ATRNL1: variants seen among roughly 807,000 people sequenced by gnomAD.
ATRNL1 encodes the protein attractin-like protein 1.
ATRNL1 carries 95 observed loss-of-function variants against 182.7 expected under a neutral mutation model. The ratio of observed to expected loss-of-function variants is 0.52; its 90% CI spans 0.44 to 0.62. ATRNL1 has a LOEUF of 0.62. ATRNL1 is among the 20% of genes least tolerant of loss of function. The probability of loss-of-function intolerance (pLI) is 0.00; values close to 1 mark genes in which losing one functional copy is unlikely to be tolerated. For missense variants in ATRNL1, 1,471 were observed against 1,679.5 expected, an observed-to-expected ratio of 0.88 and a Z score of 2.17; for synonymous variants, 576 against 568.3, an observed-to-expected ratio of 1.01 and a Z score of -0.19.
At chr10:115,331,123 A>C (rs879967347) in intron 18 of ATRNL1, among the ~76,000 whole-genome samples, 2 of 151,692 alleles carry the variant, frequency 1.3e-5, no homozygotes, top group Non-Finnish European at 2.9e-5. Context: ...GCAGTGGTGC[A>C]ATCTCGGCTC....
chr10:115,573,419 T>TA (rs1432207388), intron 26 of ATRNL1, among the ~76,000 whole-genome samples: 1 of 151,052 alleles, frequency 6.6e-6, no homozygotes, highest in African/African-American at 2.4e-5. Flanking sequence ...CTCTGGAGCT[T>TA]GGGGTTCAGG....
chr10:115,283,054 A>G lies in ATRNL1; in HGVS notation c.2233+1567A>G, dbSNP rs371723492. ...ACATATTGGAAAATTCCATCACAGAATTTGTCTGAAAGAGAATCTTTCTTA... is the reference window on the plus strand; with the variant it reads ...ACATATTGGAAAATTCCATCACAGAGTTTGTCTGAAAGAGAATCTTTCTTA... On this transcript the variant is annotated intron_variant, in intron 14 of 28. Coordinates refer to ENST00000355044, the MANE Select transcript of ATRNL1 (RefSeq NM_207303.4). Among the ~76,000 whole-genome samples the G allele has an allele frequency of 8.0e-4, 121 of 152,198 alleles. 2 individuals are homozygous for G. The South Asian group carries it at 0.024, about 31-fold the overall frequency.
chr10:115,509,112 T>C (rs565258636), intron 24 of ATRNL1, among the ~76,000 whole-genome samples: 6 of 151,968 alleles, frequency 3.9e-5, no homozygotes, highest in Non-Finnish European at 5.9e-5. Flanking sequence ...GTTCTATAAA[T>C]GGAACAATAA....
chr10:115,828,322 A>AAAAG (rs1394264767), intron 27 of ATRNL1, among the ~76,000 whole-genome samples: 16 of 151,950 alleles, frequency 1.1e-4, no homozygotes, highest in African/African-American at 3.9e-4. Flanking sequence ...CGTCTCAAAA[A>AAAAG]AAAAGAAAAG....
At chr10:115,696,675 TA>T (rs1946569034) in intron 26 of ATRNL1, among the ~76,000 whole-genome samples, 1 of 152,158 alleles carries the variant, frequency 6.6e-6, no homozygotes, top group South Asian at 2.1e-4. Context: ...TAGCATCTGT[TA>T]TTTTTTTGAC....
intron 20 of ATRNL1, among the ~76,000 whole-genome samples, chr10:115,422,480 C>G (rs533877184): frequency 6.6e-6 from 1 of 152,100 alleles, no homozygotes; most frequent in South Asian, 2.1e-4. Context: ...AAATCAGAAC[C>G]ACAATATGAT....
chr10:115,924,229 C>T (rs1953152144), intron 28 of ATRNL1, among the ~76,000 whole-genome samples: 1 of 152,082 alleles, frequency 6.6e-6, no homozygotes, highest in African/African-American at 2.4e-5. Context: ...GTTTCTTTTG[C>T]TGTGCAGAAG....
At chr10:115,476,773 T>G (rs1848548001) in intron 24 of ATRNL1, among the ~76,000 whole-genome samples, 1 of 151,466 alleles carries the variant, frequency 6.6e-6, no homozygotes, top group Admixed American at 6.6e-5. Context: ...ACCTTTTTTT[T>G]AACTCTTGCT....
chr10:115,825,307 A>G (rs1950404487), intron 27 of ATRNL1, among the ~76,000 whole-genome samples: 1 of 152,140 alleles, frequency 6.6e-6, no homozygotes, highest in Admixed American at 6.5e-5. Flanking sequence ...GGGAGAGATA[A>G]CATTAGGAGA....
At chr10:115,279,061 G>T (rs924012311) in intron 13 of ATRNL1, among the ~76,000 whole-genome samples, 3 of 151,998 alleles carry the variant, frequency 2.0e-5, no homozygotes, top group Admixed American at 2.0e-4. Flanking sequence ...AATTAGCCGG[G>T]TGTGGTGGTG....
At chr10:115,362,519 GT>G (rs148493482) in intron 19 of ATRNL1, among the ~76,000 whole-genome samples, 8,862 of 139,728 alleles carry the variant, frequency 0.063, 539 homozygotes, top group African/African-American at 0.17. Flanking sequence ...GCAGTACATT[GT>G]TTTTTTTTTT....
rs138709567 is a variant in ATRNL1, at chr10:115,559,414, T to TTGTGTGTGTGTGTGTGTGTG, written c.3795+9889_3795+9908dup. On this transcript the variant is annotated intron_variant, in intron 26 of 28. Coordinates refer to ENST00000355044, the MANE Select transcript of ATRNL1 (RefSeq NM_207303.4). The stretch of plus-strand genomic sequence containing the variant: ...CCTGACATACTCTCATTCTTGGTGT[T>TTGTGTGTGTGTGTGTGTGTG]TGTGTGTGTGTGTGTGTGTGTGTGT... 1.9e-3 allele frequency among the ~76,000 whole-genome samples: 277 copies of TTGTGTGTGTGTGTGTGTGTG among 147,654 alleles called. 13 individuals carry two copies. The East Asian group carries it at 0.048, about 25-fold the overall frequency.
chr10:115,820,806 T>C (rs1271347834), intron 27 of ATRNL1, among the ~76,000 whole-genome samples: 1 of 152,100 alleles, frequency 6.6e-6, no homozygotes, highest in African/African-American at 2.4e-5. Context: ...AATTTCCTCA[T>C]TTTATAATGG....
At chr10:115,601,281 G>T (rs1021651429) in intron 26 of ATRNL1, among the ~76,000 whole-genome samples, 12 of 151,968 alleles carry the variant, frequency 7.9e-5, no homozygotes, top group Admixed American at 5.2e-4. Flanking sequence ...AGTGCTATTG[G>T]AAACTTGTTT....
chr10:115,452,815 G>A (rs1414538361), intron 21 of ATRNL1, among the ~76,000 whole-genome samples: 4 of 152,024 alleles, frequency 2.6e-5, no homozygotes, highest in African/African-American at 9.7e-5. Context: ...CATAACTGAA[G>A]CTTTGTACCC....
At chr10:115,263,705 A>G (rs2133875805) in intron 10 of ATRNL1, among the ~76,000 whole-genome samples, 1 of 151,938 alleles carries the variant, frequency 6.6e-6, no homozygotes, top group Middle Eastern at 3.4e-3. Context: ...TAATAGTGCT[A>G]CAAACATATA....
At chr10:115,893,969 A>T (rs1442386622) in intron 28 of ATRNL1, among the ~76,000 whole-genome samples, 1 of 152,188 alleles carries the variant, frequency 6.6e-6, no homozygotes, top group Non-Finnish European at 1.5e-5. Context: ...TGGACCAAAA[A>T]AAAAAAATCT....
intron 8 of ATRNL1, among the ~76,000 whole-genome samples, chr10:115,199,424 C>T (rs989968996): frequency 1.3e-5 from 2 of 151,292 alleles, no homozygotes; most frequent in African/African-American, 2.4e-5. Flanking sequence ...AATTAGCTGG[C>T]GTAGTGGCAC....
At chr10:115,120,346 A>G (rs1387550768) in intron 2 of ATRNL1, 78 bp downstream of exon 2, 4 of 732,924 alleles carry the variant, frequency 5.5e-6, no homozygotes, top group African/African-American at 1.9e-5. Flanking sequence ...TCAGAGCATT[A>G]GAGTATAATT....
Sources: allele counts gnomAD v4.1 joint callset (sites outside exome capture counted in the v4.1 genomes callset), GRCh38; gene constraint gnomAD v4.1.1; transcripts MANE v1.5; gene names NCBI Gene and HGNC (gene_info 2026-07-23, HGNC 2026-07-21).